Variants in TAFA3 observed in about 807,000 individuals in gnomAD.
TAFA3 encodes chemokine-like protein TAFA-3.
TAFA3 carries 17 observed loss-of-function variants against 20.7 expected under a neutral mutation model. The ratio of observed to expected loss-of-function variants is 0.82; its 90% CI spans 0.56 to 1.23. The LOEUF (loss-of-function observed/expected upper bound fraction) is 1.23, where lower values mean the gene tolerates loss of function less well. Among genes scored for constraint, TAFA3 ranks in the 50% most tolerant of loss-of-function variants. The probability of loss-of-function intolerance (pLI) is 0.00; values close to 1 mark genes in which losing one functional copy is unlikely to be tolerated. For missense variants in TAFA3, 174 were observed against 172.8 expected (o/e 1.01, Z -0.04); for synonymous variants, 74 against 71.8 (o/e 1.03, Z -0.16).
intron 5 of TAFA3, among the ~76,000 whole-genome samples, chr1:112,725,940 C>A (rs1675460381): frequency 6.6e-6 from 1 of 152,114 alleles, no homozygotes; most frequent in Non-Finnish European, 1.5e-5. Flanking sequence ...AGTTCAAGAC[C>A]AACCTGGTCA....
intron 4 of TAFA3, among the ~76,000 whole-genome samples, chr1:112,723,765 C>T (rs150463863): frequency 6.6e-6 from 1 of 152,308 alleles, no homozygotes; most frequent in Non-Finnish European, 1.5e-5. Flanking sequence ...ACATTTTTGC[C>T]TGCCTTCACC....
At chr1:112,726,503 T>C (rs1675474658) in intron 5 of TAFA3, 126 bp from the exon 6 acceptor site, 9 of 951,370 alleles carry the variant, frequency 9.5e-6, no homozygotes, top group Admixed American at 2.1e-5. Flanking sequence ...CATTCCGGCC[T>C]GCTTTAGGGT....
rs768700644 is a variant in TAFA3 at position 112,722,361 on chromosome 1, T to A, written c.115+13T>A. 4 of 1,609,380 alleles carry A rather than the reference T, an allele frequency of 2.5e-6. No individual in the cohort carries two copies. Among genetic ancestry groups the A allele is most frequent in the Non-Finnish European group, 3.4e-6 (4 of 1,177,692 alleles). ...CCCACTGCCACAGGTTTGGAGGAGG[T>A]GGCAGGGCCCGGGGAGGGAGTTTCC... On this transcript the variant is annotated intron_variant, in intron 3 of 5. Transcript: ENST00000361886.
chr1:112,722,736 A>T (rs1675359554), intron 3 of TAFA3, among the ~76,000 whole-genome samples: 1 of 152,138 alleles, frequency 6.6e-6, no homozygotes, highest in African/African-American at 2.4e-5. Flanking sequence ...CCTCACCCTG[A>T]GGAAGCTGGG....
chr1:112,724,771 A>G (rs1675420405), intron 5 of TAFA3, among the ~76,000 whole-genome samples: 1 of 139,864 alleles, frequency 7.1e-6, no homozygotes, highest in Non-Finnish European at 1.5e-5. Flanking sequence ...GTACCCTAAA[A>G]CGTAAAGTAT....
chr1:112,724,816 C>CAAAAAAAAAAAAAAAAAAAAA, intron 5 of TAFA3, among the ~76,000 whole-genome samples: 2 of 22,654 alleles, frequency 8.8e-5, no homozygotes, highest in African/African-American at 2.1e-4. Context: ...ATTAGAGCAG[C>CAAAAAAAAAAAAAAAAAAAAA]AAAAAAAAAA....
chr1:112,721,626 A>T (rs559386351), intron 2 of TAFA3, among the ~76,000 whole-genome samples: 1 of 152,200 alleles, frequency 6.6e-6, no homozygotes, highest in Non-Finnish European at 1.5e-5. Context: ...CCTTATACAC[A>T]TCGTATACAC....
chr1:112,722,257 C>T lies in TAFA3; in HGVS notation c.24C>T (p.Asn8=). 1 of 1,614,138 alleles carries T rather than the reference C, an allele frequency of 6.2e-7. No homozygotes were observed. The highest frequency in any genetic ancestry group is 1.7e-5 in the Admixed American group (1 of 60,028). Residue 8 remains asparagine, a synonymous_variant, in exon 3 of 6, where the codon AAC becomes AAT. Transcript: ENST00000361886. Reference sequence around the variant, plus strand: ...GGATGAGTGAGAGGGTCGAGCGGAACTGGAGCACGGGCGGCTGGCTGCTGG... The same window carrying T: ...GGATGAGTGAGAGGGTCGAGCGGAATTGGAGCACGGGCGGCTGGCTGCTGG... MSERVER[N]WSTGGWLLAL... is the part of the protein sequence containing the mutation.
intron 4 of TAFA3, 85 bp from the exon 5 acceptor site, chr1:112,723,928 G>A (rs1675393366): frequency 3.1e-6 from 5 of 1,612,580 alleles, no homozygotes; most frequent in Non-Finnish European, 2.5e-6. Flanking sequence ...GTGTGGAAAC[G>A]TGCACCTCAT....
Position 112,726,734 on chromosome 1 carries a change from C to G in TAFA3, c.*94C>G. ...ATCAGCCAGGAAAGATGGGGATTCA[C>G]TTACATGCCTCATGTCAAATGCAGC... is the stretch of plus-strand genomic sequence containing the variant. On this transcript the variant is annotated 3_prime_UTR_variant, in exon 6 of 6. Transcript: ENST00000361886. 6.3e-7 allele frequency: 1 copy of G among 1,581,852 alleles called. No homozygotes were observed. Among genetic ancestry groups the G allele is most frequent in the African/African-American group, 1.3e-5 (1 of 74,478 alleles).
chr1:112,722,291 C>A lies in TAFA3; in HGVS notation c.58C>A (p.Leu20Met). 6.2e-7 allele frequency: 1 copy of A among 1,614,100 alleles called. No individual in the cohort carries two copies. The highest frequency in any genetic ancestry group is 8.5e-7 in the Non-Finnish European group (1 of 1,180,026). The change falls in exon 3 of 6, where the codon CTG (leucine) becomes ATG (methionine). Residue 20 changes from leucine (L) to methionine (M), a missense_variant. Physicochemically the swap from Leu to Met is conservative, Grantham distance 15. Coordinates refer to ENST00000361886, the MANE Select transcript of TAFA3 (RefSeq NM_182759.3). ...STGGWLLALCLAWLWTHLTLA... is the reference protein window; with the variant it reads ...STGGWLLALCMAWLWTHLTLA... ...GGGCGGCTGGCTGCTGGCACTGTGCCTGGCCTGGCTGTGGACCCACCTGAC... is the reference window on the plus strand; with the variant it reads ...GGGCGGCTGGCTGCTGGCACTGTGCATGGCCTGGCTGTGGACCCACCTGAC...
At chr1:112,721,395 A>AT (rs1675325274) in intron 2 of TAFA3, among the ~76,000 whole-genome samples, 1 of 152,174 alleles carries the variant, frequency 6.6e-6, no homozygotes, top group Non-Finnish European at 1.5e-5. Flanking sequence ...ACAGTCATAG[A>AT]TCACTGCAGC....
intron 4 of TAFA3, among the ~76,000 whole-genome samples, chr1:112,723,384 C>CA (rs1375285268): frequency 6.6e-6 from 1 of 152,194 alleles, no homozygotes; most frequent in East Asian, 1.9e-4. Flanking sequence ...CTCCCACACT[C>CA]ACGTGCCCTC....
intron 5 of TAFA3, among the ~76,000 whole-genome samples, chr1:112,724,583 A>G (rs1447566900): frequency 5.5e-5 from 7 of 126,162 alleles, no homozygotes; most frequent in Non-Finnish European, 1.1e-4. Flanking sequence ...GAACTGAACA[A>G]TGAGATCACA....
rs1041647528 is a variant in TAFA3, at chr1:112,718,951, G to C, written c.-408G>C. Among the ~76,000 whole-genome samples, 3 of 152,222 alleles carry C rather than the reference G, an allele frequency of 2.0e-5. No homozygotes were observed. Among genetic ancestry groups the C allele is most frequent in the African/African-American group, 4.8e-5 (2 of 41,454 alleles). On this transcript the variant is annotated 5_prime_UTR_variant, in exon 1 of 6. Coordinates refer to ENST00000361886, the MANE Select transcript of TAFA3 (RefSeq NM_182759.3). ...GCGCCCACGCGGGGCTGGAGGAGCG[G>C]GGGTAGCCCGGGGCGAGGCGGCGGT... is the stretch of plus-strand genomic sequence containing the variant.
In TAFA3 at chr1:112,724,051, C is replaced by A; in HGVS notation, c.304C>A (p.Pro102Thr). ...GCAGAGATGGTGGTGTCAGATGGAG[C>A]CCTGCCTGCCGGGGGAGGAGTGTAA... ...VLQRWWCQME[P>T]CLPGEECKVL... The change falls in exon 5 of 6, where the codon CCC (proline) becomes ACC (threonine). Residue 102 changes from proline (P) to threonine (T), a missense_variant. Physicochemically the swap from Pro to Thr is conservative, Grantham distance 38. Transcript: ENST00000361886. 1 of 1,613,868 alleles carries A rather than the reference C, an allele frequency of 6.2e-7. No homozygotes were observed. The highest frequency in any genetic ancestry group is 8.5e-7 in the Non-Finnish European group (1 of 1,179,978).
chr1:112,721,191 T>C (rs1010350516), intron 2 of TAFA3, among the ~76,000 whole-genome samples: 1 of 152,264 alleles, frequency 6.6e-6, no homozygotes, highest in Non-Finnish European at 1.5e-5. Context: ...AAAAAGTCTC[T>C]CTTCTACCTC....
At chr1:112,719,357 T>C (rs1349058298) in intron 1 of TAFA3, among the ~76,000 whole-genome samples, 58 bp downstream of exon 1, 1 of 152,060 alleles carries the variant, frequency 6.6e-6, no homozygotes, top group Non-Finnish European at 1.5e-5. Context: ...TTAGGGGGGT[T>C]TGTGGGGAGA....
At position 112,724,069 on chromosome 1, in the gene TAFA3, G is replaced by C; in HGVS notation, c.322G>C (p.Glu108Gln). 6.2e-7 allele frequency: 1 copy of C among 1,613,796 alleles called. No homozygotes were observed. The highest frequency in any genetic ancestry group is 8.5e-7 in the Non-Finnish European group (1 of 1,179,976). ...GATGGAGCCCTGCCTGCCGGGGGAG[G>C]AGTGTAAGGTGCTCCCGGACCTGTC... ...CQMEPCLPGEECKVLPDLSGW... is the reference protein window; with the variant it reads ...CQMEPCLPGEQCKVLPDLSGW... The change falls in exon 5 of 6, where the codon GAG (glutamate) becomes CAG (glutamine). Residue 108 changes from glutamate (E) to glutamine (Q), a missense_variant. By Grantham distance (29) the Glu-to-Gln change is conservative (BLOSUM62 2). Transcript: ENST00000361886.
Sources: allele counts gnomAD v4.1 joint callset (sites outside exome capture counted in the v4.1 genomes callset), GRCh38; gene constraint gnomAD v4.1.1; transcripts MANE v1.5; gene names NCBI Gene and HGNC (gene_info 2026-07-23, HGNC 2026-07-21).